The following NCALD variants were observed in gnomAD, a reference collection of about 807,000 sequenced individuals.
NCALD encodes the protein neurocalcin delta.
In NCALD, 10 loss-of-function variants were observed where a neutral mutation model predicts 18.6. The observed-to-expected ratio is 0.54, with a 90% CI of 0.33 to 0.91. The LOEUF (loss-of-function observed/expected upper bound fraction) is 0.91, where lower values mean the gene tolerates loss of function less well. Ranked by LOEUF, NCALD falls within the 40% of genes least tolerant of loss-of-function variation. The pLI, the probability that NCALD is intolerant of heterozygous loss-of-function variation, is 0.03. For missense variants in NCALD, 184 were observed against 247.6 expected (o/e 0.74, Z 1.72); for synonymous variants, 88 against 87.4 (o/e 1.01, Z -0.04).
intron 1 of NCALD, chr8:101,779,948 A>G (rs1254605690): frequency 6.6e-6 from 1 of 152,110 alleles, no homozygotes; most frequent in Non-Finnish European, 1.5e-5. Context: ...TGAAGTTCAA[A>G]TCCTCAATTT....
At chr8:102,041,928 T>C (rs1477697543) in intron 1 of NCALD, among the ~76,000 whole-genome samples, 1 of 151,944 alleles carries the variant, frequency 6.6e-6, no homozygotes, top group Non-Finnish European at 1.5e-5. Flanking sequence ...TATTATAGAG[T>C]GGGTTTTAAA....
At chr8:101,893,010 G>A (rs1489094160) in intron 3 of NCALD, among the ~76,000 whole-genome samples, 1 of 148,800 alleles carries the variant, frequency 6.7e-6, no homozygotes, top group Admixed American at 6.7e-5. Context: ...GAAATACAGA[G>A]AACGCCACAA....
At chr8:101,792,323 C>G (rs1192786820), upstream of NCALD, among the ~76,000 whole-genome samples, 4 of 152,140 alleles carry the variant, frequency 2.6e-5, no homozygotes, top group African/African-American at 9.7e-5. Context: ...AATAATAAGA[C>G]TAATGTTCAA....
intron 2 of NCALD, among the ~76,000 whole-genome samples, chr8:101,980,755 A>T (rs973731285): frequency 1.3e-5 from 2 of 152,216 alleles, no homozygotes; most frequent in African/African-American, 4.8e-5. Context: ...GCTGTGCAAA[A>T]ATAGAGCAGG....
At chr8:101,763,962 C>G (rs1388734056) in intron 1 of NCALD, among the ~76,000 whole-genome samples, 1 of 118,460 alleles carries the variant, frequency 8.4e-6, no homozygotes, top group Non-Finnish European at 1.7e-5. Flanking sequence ...TTCTCTCTCT[C>G]TCTCCACACA....
At chr8:102,094,065 C>G (rs756187510) in intron 1 of NCALD, among the ~76,000 whole-genome samples, 2 of 152,140 alleles carry the variant, frequency 1.3e-5, no homozygotes, top group Non-Finnish European at 2.9e-5. Context: ...TTCACCACCC[C>G]CTTCATGATG....
chr8:101,878,220 T>C (rs1438679620), intron 4 of NCALD, among the ~76,000 whole-genome samples: 11 of 152,378 alleles, frequency 7.2e-5, no homozygotes, highest in Non-Finnish European at 2.9e-5. Context: ...GAAGACATTC[T>C]TGAACCACTG....
intron 1 of NCALD, among the ~76,000 whole-genome samples, chr8:102,050,589 G>T (rs1823407997): frequency 6.7e-6 from 1 of 149,902 alleles, no homozygotes; most frequent in Non-Finnish European, 1.5e-5. Context: ...CACTAAAAAA[G>T]ATGACAAAAA....
At chr8:102,064,490 A>G (rs1461267352) in intron 1 of NCALD, among the ~76,000 whole-genome samples, 1 of 152,248 alleles carries the variant, frequency 6.6e-6, no homozygotes, top group Non-Finnish European at 1.5e-5. Context: ...CCAAATACAA[A>G]TAAAACCTGC....
At chr8:102,050,818 T>C (rs978003687) in intron 1 of NCALD, among the ~76,000 whole-genome samples, 2 of 146,678 alleles carry the variant, frequency 1.4e-5, no homozygotes, top group East Asian at 1.9e-4. Flanking sequence ...TTTAATCATT[T>C]TTAATTTAAT....
chr8:101,879,327 C>T (rs1287085833), intron 4 of NCALD, among the ~76,000 whole-genome samples: 5 of 152,122 alleles, frequency 3.3e-5, no homozygotes, highest in Admixed American at 6.5e-5. Flanking sequence ...CTGCTGGGTT[C>T]GTGGTCTCAC....
At chr8:101,831,041 T>C (rs1051976068) in intron 4 of NCALD, among the ~76,000 whole-genome samples, 4 of 152,072 alleles carry the variant, frequency 2.6e-5, no homozygotes, top group Non-Finnish European at 5.9e-5. Context: ...CTGGCTTGAG[T>C]GTACATGATG....
chr8:101,734,268 A>G (rs879378772), intron 1 of NCALD, among the ~76,000 whole-genome samples: 1 of 152,208 alleles, frequency 6.6e-6, no homozygotes, highest in East Asian at 1.9e-4. Flanking sequence ...CCTAATTCCT[A>G]CACACTCACC....
At chr8:101,921,332 TATC>T (rs1231482289) in intron 2 of NCALD, among the ~76,000 whole-genome samples, 9 of 151,826 alleles carry the variant, frequency 5.9e-5, no homozygotes, top group Non-Finnish European at 1.0e-4. Flanking sequence ...AGGAATAAAA[TATC>T]AATAAATATG....
intron 1 of NCALD, among the ~76,000 whole-genome samples, chr8:102,028,136 G>A (rs1395548703): frequency 6.6e-6 from 1 of 152,152 alleles, no homozygotes; most frequent in Non-Finnish European, 1.5e-5. Flanking sequence ...CTTATTTTGA[G>A]GAGCATGTAG....
chr8:101,836,500 G>T (rs1291835247), intron 4 of NCALD, among the ~76,000 whole-genome samples: 1 of 152,112 alleles, frequency 6.6e-6, no homozygotes, highest in Admixed American at 6.6e-5. Flanking sequence ...GGACTCTGGG[G>T]GATCCCTTTG....
chr8:101,953,931 G>T (rs1819526634), intron 2 of NCALD, among the ~76,000 whole-genome samples: 1 of 152,240 alleles, frequency 6.6e-6, no homozygotes, highest in Non-Finnish European at 1.5e-5. Flanking sequence ...TGAAATAAGA[G>T]AAGTCTTGTA....
intron 2 of NCALD, among the ~76,000 whole-genome samples, chr8:102,002,043 A>C (rs1216377838): frequency 6.6e-6 from 1 of 152,176 alleles, no homozygotes; most frequent in Non-Finnish European, 1.5e-5. Flanking sequence ...CCTTAAATGT[A>C]AATGGGCTAA....
chr8:102,089,424 A>T (rs1381538294), intron 1 of NCALD, among the ~76,000 whole-genome samples: 1 of 151,862 alleles, frequency 6.6e-6, no homozygotes, highest in Admixed American at 6.6e-5. Flanking sequence ...AGAAAAAAAG[A>T]AAAGAAACTG....
Sources: allele counts gnomAD v4.1 joint callset (sites outside exome capture counted in the v4.1 genomes callset), GRCh38; gene constraint gnomAD v4.1.1; transcripts MANE v1.5; gene names NCBI Gene and HGNC (gene_info 2026-07-23, HGNC 2026-07-21).